The following SEMA3A variants were observed in gnomAD, a reference collection of about 807,000 sequenced individuals.
The protein encoded by SEMA3A is semaphorin-3A.
A neutral mutation model predicts 97.9 loss-of-function variants in SEMA3A; 29 were observed. The ratio of observed to expected loss-of-function variants is 0.30; its 90% CI spans 0.22 to 0.40. The LOEUF is 0.40. SEMA3A is among the 10% of genes least tolerant of loss of function. The pLI is 1.00. For synonymous variants in SEMA3A, 321 were observed against 323.7 expected, an observed-to-expected ratio of 0.99 and a Z score of 0.09; for missense variants, 763 against 951.3, an observed-to-expected ratio of 0.80 and a Z score of 2.60.
intron 3 of SEMA3A, among the ~76,000 whole-genome samples, chr7:84,296,293 T>C (rs964053210): frequency 2.6e-5 from 4 of 152,168 alleles, no homozygotes; most frequent in South Asian, 2.1e-4. Context: ...AAACCAATCA[T>C]ATGATGTAAT....
intron 4 of SEMA3A, among the ~76,000 whole-genome samples, chr7:84,062,845 G>A (rs1253272920): frequency 7.8e-6 from 1 of 128,500 alleles, no homozygotes; most frequent in East Asian, 2.5e-4. Flanking sequence ...GCGGGGGGAG[G>A]GGCGTCCGCC....
At chr7:84,364,293 A>G (rs1332035172) in intron 2 of SEMA3A, among the ~76,000 whole-genome samples, 1 of 151,736 alleles carries the variant, frequency 6.6e-6, no homozygotes, top group African/African-American at 2.4e-5. Context: ...CCCTTAAAAC[A>G]TTCCCTGAAA....
chr7:84,125,585 A>G (rs1252701626), intron 3 of SEMA3A, among the ~76,000 whole-genome samples: 1 of 152,188 alleles, frequency 6.6e-6, no homozygotes, highest in African/African-American at 2.4e-5. Flanking sequence ...AGTCATGATT[A>G]AGTGATTAAA....
intron 4 of SEMA3A, 141 bp downstream of exon 4, chr7:84,110,329 A>T: frequency 1.1e-6 from 1 of 874,238 alleles, no homozygotes; most frequent in Non-Finnish European, 1.7e-6. Context: ...CACAGATTAA[A>T]ATTAATAACA....
Position 84,379,700 on chromosome 7 carries a change from A to G in SEMA3A, c.-245-7800T>C, listed in dbSNP as rs935997430. Among the ~76,000 whole-genome samples, 5 of 152,304 alleles carry G rather than the reference A, an allele frequency of 3.3e-5. No individual in the cohort carries two copies. The South Asian group carries it at 1.0e-3, about 32-fold the overall frequency. On this transcript the variant is annotated intron_variant, in intron 1 of 3. Transcript: ENST00000424555. ...ACTGAAGCTGGGGAAAAAAAAAGAA[A>G]AAAAAGAAAAACAACAAAACTAAAG... is the stretch of plus-strand genomic sequence containing the variant.
intron 2 of SEMA3A, among the ~76,000 whole-genome samples, chr7:84,129,788 T>C (rs6946101): frequency 0.093 from 14,074 of 151,198 alleles, 1,302 homozygotes; most frequent in African/African-American, 0.24. Flanking sequence ...GAAATAAAGG[T>C]AGACTGAAGA....
At chr7:83,995,867 C>T (rs1004489352) in intron 12 of SEMA3A, among the ~76,000 whole-genome samples, 1 of 152,140 alleles carries the variant, frequency 6.6e-6, no homozygotes, top group Non-Finnish European at 1.5e-5. Context: ...AACACAAGGA[C>T]ACTTTTTTAG....
intron 1 of SEMA3A, among the ~76,000 whole-genome samples, chr7:84,464,710 A>G (rs1433097193): frequency 6.6e-6 from 1 of 152,238 alleles, no homozygotes; most frequent in Non-Finnish European, 1.5e-5. Flanking sequence ...ATTGATGCAT[A>G]GAAATTAGCT....
chr7:84,196,889 T>C (rs1210493744), upstream of SEMA3A, among the ~76,000 whole-genome samples: 1 of 152,140 alleles, frequency 6.6e-6, no homozygotes, highest in Non-Finnish European at 1.5e-5. Flanking sequence ...TTTACTCTTG[T>C]TTTCTAGAAT....
At chr7:84,486,872 C>T (rs1291247843) in intron 1 of SEMA3A, among the ~76,000 whole-genome samples, 4 of 152,120 alleles carry the variant, frequency 2.6e-5, no homozygotes, top group Admixed American at 2.0e-4. Context: ...AAAATTCAAG[C>T]ATATTAGTGC....
intron 2 of SEMA3A, among the ~76,000 whole-genome samples, chr7:84,313,563 A>C (rs1307686848): frequency 2.0e-5 from 3 of 150,892 alleles, no homozygotes; most frequent in Non-Finnish European, 4.4e-5. Context: ...AATATTATGT[A>C]TGAAATATTT....
intron 2 of SEMA3A, among the ~76,000 whole-genome samples, chr7:84,344,569 G>A (rs1205085658): frequency 6.6e-6 from 1 of 152,238 alleles, no homozygotes; most frequent in Non-Finnish European, 1.5e-5. Context: ...AGACAGAGAT[G>A]CACTTTTGTT....
intron 1 of SEMA3A, among the ~76,000 whole-genome samples, chr7:84,173,373 C>G (rs896446370): frequency 2.0e-5 from 3 of 151,802 alleles, no homozygotes; most frequent in Admixed American, 2.0e-4. Context: ...CCGGCCCACA[C>G]GGTGAAATCC....
intron 6 of SEMA3A, among the ~76,000 whole-genome samples, chr7:84,043,366 T>C (rs1417393609): frequency 6.6e-6 from 1 of 152,068 alleles, no homozygotes; most frequent in Non-Finnish European, 1.5e-5. Context: ...GTTACAATTT[T>C]AGAGAACTGT....
chr7:84,210,168 G>C (rs1798592773), intron 3 of SEMA3A, among the ~76,000 whole-genome samples: 1 of 151,946 alleles, frequency 6.6e-6, no homozygotes, highest in Non-Finnish European at 1.5e-5. Flanking sequence ...TTTTTTGTGG[G>C]GAAGAAGAAA....
At chr7:84,093,555 G>A (rs2115862190) in intron 4 of SEMA3A, among the ~76,000 whole-genome samples, 1 of 152,090 alleles carries the variant, frequency 6.6e-6, no homozygotes, top group East Asian at 1.9e-4. Context: ...GAATGAAAAG[G>A]AACTGAAAGA....
intron 1 of SEMA3A, among the ~76,000 whole-genome samples, chr7:84,182,662 C>A (rs371370026): frequency 6.6e-5 from 10 of 152,082 alleles, no homozygotes; most frequent in African/African-American, 2.4e-4. Flanking sequence ...AACAATTACA[C>A]AAATTACCTT....
At chr7:84,272,914 A>G (rs1037359156) in intron 3 of SEMA3A, among the ~76,000 whole-genome samples, 1 of 152,130 alleles carries the variant, frequency 6.6e-6, no homozygotes, top group Non-Finnish European at 1.5e-5. Flanking sequence ...TCATCCTAAT[A>G]GCAACAATGA....
chr7:84,165,536 A>G (rs1797177620), intron 1 of SEMA3A, among the ~76,000 whole-genome samples: 1 of 152,054 alleles, frequency 6.6e-6, no homozygotes, highest in Admixed American at 6.6e-5. Flanking sequence ...CACTTGTAGC[A>G]TAGCTGGTTA....
Sources: allele counts gnomAD v4.1 joint callset (sites outside exome capture counted in the v4.1 genomes callset), GRCh38; gene constraint gnomAD v4.1.1; transcripts MANE v1.5; gene names NCBI Gene and HGNC (gene_info 2026-07-23, HGNC 2026-07-21).